The following MYEF2 variants were observed in gnomAD, a reference collection of about 807,000 sequenced individuals.
The protein encoded by MYEF2 is myelin gene expression factor 2.
A neutral mutation model predicts 75.2 loss-of-function variants in MYEF2; 37 were observed. The ratio of observed to expected loss-of-function variants is 0.49; its 90% CI spans 0.38 to 0.65. The LOEUF (loss-of-function observed/expected upper bound fraction) is 0.65, where lower values mean the gene tolerates loss of function less well. Among genes scored for constraint, MYEF2 ranks in the 30% least tolerant of loss-of-function variants. The probability of loss-of-function intolerance (pLI) is 0.00; values close to 1 mark genes in which losing one functional copy is unlikely to be tolerated. For synonymous variants in MYEF2, 195 were observed against 241.6 expected (o/e 0.81, Z 1.79); for missense variants, 634 against 771.4 (o/e 0.82, Z 2.11).
chr15:48,158,958 A>G (rs1204756440), intron 6 of MYEF2, 36 bp from the exon 7 acceptor site: 23 of 1,572,790 alleles, frequency 1.5e-5, no homozygotes, highest in Non-Finnish European at 1.8e-5. Context: ...CATACCTAAT[A>G]AATCCATCTC....
rs755306799 is a variant in MYEF2 at position 48,158,723 on chromosome 15, T to TGC, written c.871+44_871+45dup. 8.7e-6 allele frequency: 14 copies of TGC among 1,608,482 alleles called. No individual in the cohort carries two copies. The East Asian group carries it at 2.9e-4, about 33-fold the overall frequency. On this transcript the variant is annotated intron_variant, in intron 7 of 16. Coordinates refer to ENST00000324324, the MANE Select transcript of MYEF2 (RefSeq NM_016132.5). The stretch of plus-strand genomic sequence containing the variant: ...CCCCGCCAAAACAAAGGTGGTATTA[T>TGC]GCTTCTTCAACCTCATAAACAATGC...
rs2039399521 is a variant in MYEF2 at position 48,149,207 on chromosome 15, TCA to T, written c.1541_1542del (p.Met514LysfsTer19). 1 of 1,613,452 alleles carries T rather than the reference TCA, an allele frequency of 6.2e-7. No homozygotes were observed. On this transcript the variant is annotated frameshift_variant, in exon 15 of 17. Transcript: ENST00000324324. LOFTEE classifies it high-confidence loss of function. The surrounding 1 kb of genome is among the most constrained non-coding windows in gnomAD (Gnocchi z 4.0). ...GFLSGPMGSG[M>X]RERIGSKGNQ... The stretch of plus-strand genomic sequence containing the variant: ...TTGCCTTTGGAGCCTATTCTCTCTC[TCA>T]TTCCGCTTCCCATTGGACCCGATAA...
At chr15:48,145,225 A>C (rs1426768588) in intron 16 of MYEF2, among the ~76,000 whole-genome samples, 1 of 151,830 alleles carries the variant, frequency 6.6e-6, no homozygotes, top group African/African-American at 2.4e-5. Context: ...GCTCCCCTAA[A>C]AAGAATCCCA....
intron 5 of MYEF2, among the ~76,000 whole-genome samples, chr15:48,165,362 G>C (rs1390518546): frequency 6.6e-6 from 1 of 152,018 alleles, no homozygotes; most frequent in Non-Finnish European, 1.5e-5. Context: ...GTATCTTCTA[G>C]TCATTTTTTG....
chr15:48,156,557 C>T (rs1421844629), intron 9 of MYEF2, among the ~76,000 whole-genome samples: 3 of 149,598 alleles, frequency 2.0e-5, no homozygotes, highest in Non-Finnish European at 4.4e-5. Context: ...AAAAACTTCC[C>T]AGAAACAACA....
chr15:48,151,644 T>C lies in MYEF2; in HGVS notation c.1208-73A>G, dbSNP rs190144374. The C allele has an allele frequency of 2.5e-5, 35 of 1,408,586 alleles. No homozygotes were observed. The Admixed American group carries it at 6.8e-4, about 27-fold the overall frequency. 87.3% of individuals were successfully genotyped at this position (1,408,586 alleles called of 1,614,324 possible). ...TGTTGAAAACATTCAGGAATGTATC[T>C]AAATTATGAAAAGACGCGTAAGTCA... On this transcript the variant is annotated intron_variant, in intron 12 of 16. Coordinates refer to ENST00000324324, the MANE Select transcript of MYEF2 (RefSeq NM_016132.5).
At chr15:48,166,573 G>A (rs976405181) in intron 3 of MYEF2, among the ~76,000 whole-genome samples, 18 of 151,818 alleles carry the variant, frequency 1.2e-4, no homozygotes, top group Non-Finnish European at 2.1e-4. Flanking sequence ...TTTTTAACAA[G>A]TTCTCTATTA....
In MYEF2 at chr15:48,138,784, T is replaced by C; in HGVS notation, c.*4124A>G. On this transcript the variant is annotated 3_prime_UTR_variant, in exon 17 of 17. Transcript: ENST00000324324. ...ATGCGGAGTATCACATCTTACATTG[T>C]CTGCCCTAAAGTTTCAATTAGTTTC... The C allele has an allele frequency of 1.8e-6, 1 of 565,704 alleles. No homozygotes were observed. The highest frequency in any genetic ancestry group is 2.4e-5 in the South Asian group (1 of 41,636). The allele number at this position is 565,704 out of a possible 1,614,324, so 35.0% of individuals were successfully genotyped here.
chr15:48,146,320 GAT>G (rs2039281640), intron 16 of MYEF2, among the ~76,000 whole-genome samples: 1 of 151,866 alleles, frequency 6.6e-6, no homozygotes, highest in African/African-American at 2.4e-5. Context: ...AAGATAAAAA[GAT>G]AGATCTCTTT....
In MYEF2 at chr15:48,142,820, G is replaced by GT; in HGVS notation, c.*87dup. On this transcript the variant is annotated 3_prime_UTR_variant, in exon 17 of 17. Coordinates refer to ENST00000324324, the MANE Select transcript of MYEF2 (RefSeq NM_016132.5). ...TTAAAAGTTCATTTTTACAGCTTTT[G>GT]TAAGCATACAATATTACTTTAAAAA... 1 of 1,265,436 alleles carries GT rather than the reference G, an allele frequency of 7.9e-7. No homozygotes were observed. The highest frequency in any genetic ancestry group is 1.1e-6 in the Non-Finnish European group (1 of 925,604). The allele number at this position is 1,265,436 out of a possible 1,614,324, so 78.4% of individuals were successfully genotyped here.
rs760713985 is a variant in MYEF2 at position 48,178,183 on chromosome 15, G to A, written c.55C>T (p.His19Tyr). Residue 19 changes from histidine to tyrosine, a missense_variant, in exon 1 of 17, where the codon CAC becomes TAC. Physicochemically the swap from His to Tyr is moderately conservative, Grantham distance 83. Coordinates refer to ENST00000324324, the MANE Select transcript of MYEF2 (RefSeq NM_016132.5). ...CCCGGCGGCTCTGCGGGCTGCAGGT[G>A]CGGGCTGTCGCCACCAGTGGCCCCG... ...VPGATGGDSP[H>Y]LQPAEPPGEP... 6 of 1,531,484 alleles carry A rather than the reference G, an allele frequency of 3.9e-6. No homozygotes were observed. Among genetic ancestry groups the A allele is most frequent in the African/African-American group, 2.9e-5 (2 of 70,102 alleles). 94.9% of individuals were successfully genotyped at this position (1,531,484 alleles called of 1,614,324 possible).
rs767226520 is a variant in MYEF2, at chr15:48,168,696, ACT to A, written c.303_304del (p.Arg101SerfsTer4). Reference sequence around the variant, plus strand: ...GTCATATGGGATGTTGCTAATGAAAACTCTGTTACGATTTGGACCCTTCTTTT... The same window carrying A: ...GTCATATGGGATGTTGCTAATGAAAACTGTTACGATTTGGACCCTTCTTTT... On this transcript the variant is annotated frameshift_variant, in exon 2 of 17. Coordinates refer to ENST00000324324, the MANE Select transcript of MYEF2 (RefSeq NM_016132.5). LOFTEE classifies it high-confidence loss of function. 1.2e-6 allele frequency: 2 copies of A among 1,613,328 alleles called. No homozygotes were observed. Among genetic ancestry groups the A allele is most frequent in the African/African-American group, 2.7e-5 (2 of 74,722 alleles).
intron 1 of MYEF2, among the ~76,000 whole-genome samples, chr15:48,171,156 T>A (rs1281162460): frequency 1.3e-5 from 2 of 152,200 alleles, no homozygotes; most frequent in Non-Finnish European, 2.9e-5. Context: ...GTACCGCAGA[T>A]AGAAGAACAA....
chr15:48,144,838 G>A (rs1161565173), intron 16 of MYEF2, among the ~76,000 whole-genome samples: 2 of 151,716 alleles, frequency 1.3e-5, no homozygotes, highest in Non-Finnish European at 3.0e-5. Flanking sequence ...GGGCTTTTAA[G>A]GTTAAAGGTT....
In MYEF2 at chr15:48,149,205, T is replaced by C; in HGVS notation, c.1545A>G (p.Arg515=). 6.2e-7 allele frequency: 1 copy of C among 1,613,458 alleles called. No individual in the cohort carries two copies. Among genetic ancestry groups the C allele is most frequent in the Non-Finnish European group, 8.5e-7 (1 of 1,179,502 alleles). Residue 515 remains arginine, a synonymous_variant, in exon 15 of 17, where the codon AGA becomes AGG. Transcript: ENST00000324324. This position sits in a 1 kb window ranked among gnomAD's most constrained non-coding sequence, Gnocchi z 4.0. ...GGTTGCCTTTGGAGCCTATTCTCTC[T>C]CTCATTCCGCTTCCCATTGGACCCG... The part of the protein sequence containing the change: ...FLSGPMGSGM[R]ERIGSKGNQI...
Position 48,141,344 on chromosome 15 carries a change from C to T in MYEF2, c.*1564G>A, listed in dbSNP as rs533865467. ...CTGTAATCCCAGGATTTTGGGAGGCCGAGGCGGGTGGATCACGAGGTCAGG... is the reference window on the plus strand; with the variant it reads ...CTGTAATCCCAGGATTTTGGGAGGCTGAGGCGGGTGGATCACGAGGTCAGG... On this transcript the variant is annotated 3_prime_UTR_variant, in exon 17 of 17. Transcript: ENST00000324324. 7.1e-5 allele frequency: 45 copies of T among 634,012 alleles called. No individual in the cohort carries two copies. The highest frequency in any genetic ancestry group is 3.5e-4 in the African/African-American group (19 of 53,658). The allele number at this position is 634,012 out of a possible 1,614,324, so 39.3% of individuals were successfully genotyped here.
rs761751947 is a variant in MYEF2, at chr15:48,158,755, G to T, written c.871+14C>A. ...TCAACCTCATAAACAATGCTGAAATGTAAATCAGGATACAAATTGCTTGAA... is the reference window on the plus strand; with the variant it reads ...TCAACCTCATAAACAATGCTGAAATTTAAATCAGGATACAAATTGCTTGAA... On this transcript the variant is annotated intron_variant, in intron 7 of 16. Coordinates refer to ENST00000324324, the MANE Select transcript of MYEF2 (RefSeq NM_016132.5). The T allele has an allele frequency of 7.1e-5, 115 of 1,612,950 alleles. No individual in the cohort carries two copies. Among genetic ancestry groups the T allele is most frequent in the Admixed American group, 4.0e-4 (24 of 59,950 alleles).
intron 9 of MYEF2, chr15:48,157,146 T>C (rs551851540): frequency 1.3e-5 from 2 of 152,232 alleles, no homozygotes; most frequent in African/African-American, 4.8e-5. Context: ...CAATAGCTAA[T>C]ATTTATTGAG....
At chr15:48,143,491 A>T (rs1567237550) in intron 16 of MYEF2, among the ~76,000 whole-genome samples, 1 of 151,912 alleles carries the variant, frequency 6.6e-6, no homozygotes, top group Non-Finnish European at 1.5e-5. Flanking sequence ...CTTCCCTTTT[A>T]TCCTCATTTC....
Sources: allele counts gnomAD v4.1 joint callset (sites outside exome capture counted in the v4.1 genomes callset), GRCh38; gene constraint gnomAD v4.1.1; non-coding constraint Gnocchi (gnomAD v3.1); transcripts MANE v1.5; gene names NCBI Gene and HGNC (gene_info 2026-07-23, HGNC 2026-07-21).